The following TDRD12 variants were observed in gnomAD, a reference collection of about 807,000 sequenced individuals.
The protein encoded by TDRD12 is putative ATP-dependent RNA helicase TDRD12.
TDRD12 carries 158 observed loss-of-function variants against 133.5 expected under a neutral mutation model. That is an observed-to-expected ratio of 1.18 (90% CI 1.04 to 1.35). The LOEUF (loss-of-function observed/expected upper bound fraction) is 1.35, where lower values mean the gene tolerates loss of function less well. TDRD12 is among the 40% of genes most tolerant of loss of function. TDRD12 has a pLI of 0.00. For synonymous variants in TDRD12, 460 were observed against 477.9 expected, an observed-to-expected ratio of 0.96 and a Z score of 0.49; for missense variants, 1,443 against 1,321.3, an observed-to-expected ratio of 1.09 and a Z score of -1.43.
intron 2 of TDRD12, 31 bp downstream of exon 2, chr19:32,731,914 G>A (rs1330590260): frequency 2.7e-6 from 4 of 1,489,854 alleles, no homozygotes; most frequent in Non-Finnish European, 3.6e-6. Flanking sequence ...TAATCACTGT[G>A]TATTGAAACA....
intron 2 of TDRD12, among the ~76,000 whole-genome samples, chr19:32,732,451 GTTAT>G (rs912010128): frequency 6.6e-6 from 1 of 152,252 alleles, no homozygotes; most frequent in Non-Finnish European, 1.5e-5. Flanking sequence ...GAACCAGGGG[GTTAT>G]TTGAGATCCC....
At chr19:32,785,197 C>T (rs1213416078) in intron 11 of TDRD12, among the ~76,000 whole-genome samples, 1 of 152,206 alleles carries the variant, frequency 6.6e-6, no homozygotes, top group Non-Finnish European at 1.5e-5. Context: ...ATCTTTATTT[C>T]TGCCTTCATT....
At chr19:32,749,528 T>A (rs1298118351) in intron 5 of TDRD12, among the ~76,000 whole-genome samples, 1 of 152,038 alleles carries the variant, frequency 6.6e-6, no homozygotes, top group African/African-American at 2.4e-5. Context: ...GGCCTGGGAC[T>A]GGAAATCTGG....
chr19:32,774,341 T>A lies in TDRD12; in HGVS notation c.1040+809T>A, dbSNP rs192783038. Among the ~76,000 whole-genome samples the A allele has an allele frequency of 1.3e-3, 205 of 152,348 alleles. 5 individuals carry two copies. The highest frequency in any genetic ancestry group is 0.013 in the Admixed American group (202 of 15,296). On this transcript the variant is annotated intron_variant, in intron 10 of 27. Transcript: ENST00000444215. ...TTCTCTCTTTACCTGTGTGGTTGCA[T>A]TGGTGTTCTTTACTTTTTGTGTAGC...
In TDRD12 at chr19:32,826,368, G is replaced by A. The variant is rs192296146; in HGVS notation, c.895+11G>A. 519 of 633,078 alleles carry A rather than the reference G, an allele frequency of 8.2e-4. No homozygotes were observed. The highest frequency in any genetic ancestry group is 4.4e-3 in the African/African-American group (236 of 53,526). 39.2% of individuals were successfully genotyped at this position (633,078 alleles called of 1,614,324 possible). A position where few individuals can be genotyped will look rare whatever the true frequency, so the allele number is the denominator to read the frequency against. On this transcript the variant is annotated intron_variant, in intron 8 of 9. Coordinates refer to the TDRD12 transcript ENST00000637289. ...TAGAGTCGTTTTCAGGTAGGTTTAT[G>A]TATAGTCATATAAAGTAAAATAGAA...
At chr19:32,812,056 TG>T (rs1967023800) in intron 24 of TDRD12, among the ~76,000 whole-genome samples, 2 of 152,176 alleles carry the variant, frequency 1.3e-5, no homozygotes, top group African/African-American at 4.8e-5. Flanking sequence ...CTGGGCTTCG[TG>T]GGGTAACTAG....
chr19:32,796,205 C>G, intron 14 of TDRD12: 2 of 984,748 alleles, frequency 2.0e-6, no homozygotes, highest in Non-Finnish European at 2.4e-6. Context: ...CAGTGAAAAA[C>G]AGCAGTAAGA....
chr19:32,744,104 C>T (rs1969517675), intron 4 of TDRD12, among the ~76,000 whole-genome samples: 1 of 150,870 alleles, frequency 6.6e-6, no homozygotes, highest in Non-Finnish European at 1.5e-5. Flanking sequence ...TAGTCTTTTT[C>T]GTGGGTGGAT....
chr19:32,749,440 G>A (rs1001793820), intron 5 of TDRD12, among the ~76,000 whole-genome samples: 1 of 152,136 alleles, frequency 6.6e-6, no homozygotes, highest in Non-Finnish European at 1.5e-5. Context: ...CTGCTGCTGC[G>A]GGGTTTTGAG....
chr19:32,775,584 T>C (rs2145609079), intron 10 of TDRD12, among the ~76,000 whole-genome samples: 1 of 152,340 alleles, frequency 6.6e-6, no homozygotes, highest in African/African-American at 2.4e-5. Context: ...CCTCCCGCCT[T>C]GGCTTACCAA....
intron 1 of TDRD12, among the ~76,000 whole-genome samples, chr19:32,721,771 G>T (rs943941234): frequency 6.7e-6 from 1 of 149,082 alleles, no homozygotes; most frequent in Non-Finnish European, 1.5e-5. Context: ...GCAGTGGCGC[G>T]ATCTCAGCTC....
At chr19:32,748,624 T>G in intron 5 of TDRD12, 93 bp downstream of exon 5, 1 of 1,321,558 alleles carries the variant, frequency 7.6e-7, no homozygotes, top group Non-Finnish European at 1.0e-6. Context: ...GATGCCCCTG[T>G]TGGCCAAACG....
chr19:32,724,994 G>A (rs1036641672), intron 1 of TDRD12, among the ~76,000 whole-genome samples: 2 of 152,050 alleles, frequency 1.3e-5, no homozygotes, highest in African/African-American at 4.8e-5. Flanking sequence ...TCATATGTTT[G>A]TTGGCTGCAT....
intron 1 of TDRD12, among the ~76,000 whole-genome samples, chr19:32,729,346 T>C (rs1363864281): frequency 6.6e-6 from 1 of 150,474 alleles, no homozygotes; most frequent in Non-Finnish European, 1.5e-5. Flanking sequence ...GCCTCCCGAG[T>C]AGCTGGGACT....
intron 27 of TDRD12, among the ~76,000 whole-genome samples, chr19:32,818,913 T>C (rs1266316092): frequency 6.6e-6 from 1 of 151,378 alleles, no homozygotes; most frequent in African/African-American, 2.4e-5. Context: ...GGCTAGTGAC[T>C]TGCTGGGTTA....
At chr19:32,737,581 G>A (rs1969262476) in intron 2 of TDRD12, among the ~76,000 whole-genome samples, 1 of 152,050 alleles carries the variant, frequency 6.6e-6, no homozygotes, top group South Asian at 2.1e-4. Context: ...CCAGGCTGGA[G>A]TGCAGTGGTG....
exon 10 of TDRD12, chr19:32,829,215 G>T (rs967983367): frequency 1.3e-5 from 2 of 152,252 alleles, no homozygotes; most frequent in Non-Finnish European, 2.9e-5. Context: ...TTACACCCAG[G>T]TGCGCCGAGT....
At chr19:32,819,526 G>T (rs1213142213) in intron 27 of TDRD12, among the ~76,000 whole-genome samples, 1 of 152,128 alleles carries the variant, frequency 6.6e-6, no homozygotes, top group Non-Finnish European at 1.5e-5. Context: ...AGGTTTGGTG[G>T]CTTATGGGAA....
chr19:32,746,545 A>G (rs1398982686), intron 4 of TDRD12, among the ~76,000 whole-genome samples: 1 of 144,610 alleles, frequency 6.9e-6, no homozygotes, highest in African/African-American at 2.6e-5. Context: ...ACGGGGAGAG[A>G]GACTGGCTGA....
Sources: gnomAD v4.1 joint callset for allele counts (sites outside exome capture counted in the v4.1 genomes callset) on GRCh38, gnomAD v4.1.1 for gene constraint, MANE v1.5 for transcripts, NCBI Gene and HGNC (gene_info 2026-07-23, HGNC 2026-07-21) for gene names.